The following SLC6A4 variants were observed in gnomAD, a reference collection of about 807,000 sequenced individuals.
The protein encoded by SLC6A4 is solute carrier family 6 member 4.
In SLC6A4, 22 loss-of-function variants were observed where a neutral mutation model predicts 73.4. That is an observed-to-expected ratio of 0.30 (90% CI 0.21 to 0.43). The LOEUF (loss-of-function observed/expected upper bound fraction) is 0.43, where lower values mean the gene tolerates loss of function less well. SLC6A4 is among the 20% of genes least tolerant of loss of function. The probability of loss-of-function intolerance (pLI) is 1.00; values close to 1 mark genes in which losing one functional copy is unlikely to be tolerated. For missense variants in SLC6A4, 593 were observed against 808.5 expected, an observed-to-expected ratio of 0.73 and a Z score of 3.23; for synonymous variants, 270 against 315.5, an observed-to-expected ratio of 0.86 and a Z score of 1.53.
chr17:30,233,612 C>A (rs1054440770), intron 1 of SLC6A4, among the ~76,000 whole-genome samples: 1 of 152,116 alleles, frequency 6.6e-6, no homozygotes, highest in Non-Finnish European at 1.5e-5. Context: ...ACTCGGACAT[C>A]GTGTTAGGCA....
chr17:30,221,040 C>T (rs1906732841), intron 3 of SLC6A4, among the ~76,000 whole-genome samples: 2 of 148,340 alleles, frequency 1.3e-5, no homozygotes, highest in Admixed American at 1.3e-4. Context: ...GCAGTGGTGC[C>T]ATCTCGGCTC....
At chr17:30,200,293 C>T (rs56148049) in intron 14 of SLC6A4, among the ~76,000 whole-genome samples, 13,957 of 152,286 alleles carry the variant, frequency 0.092, 673 homozygotes, top group Middle Eastern at 0.11. Flanking sequence ...GCCAGGCTAC[C>T]GTTGTGCTGG....
At chr17:30,201,929 CT>C (rs1360579922) in intron 14 of SLC6A4, among the ~76,000 whole-genome samples, 2 of 152,028 alleles carry the variant, frequency 1.3e-5, no homozygotes, top group Non-Finnish European at 2.9e-5. Context: ...ATAGTGAGAT[CT>C]TGTTTCTATT....
intron 1 of SLC6A4, among the ~76,000 whole-genome samples, chr17:30,230,855 C>T (rs920376108): frequency 6.6e-6 from 1 of 152,114 alleles, no homozygotes; most frequent in African/African-American, 2.4e-5. Context: ...TTGGCTGTTG[C>T]TGCTCAAAGG....
rs1905788953 is a variant in SLC6A4 at position 30,194,407 on chromosome 17, A to C, written c.*4049T>G. ...TAAATGAATACAAGGGCACTGTATG[A>C]ATTTTAGAAAGGGGACTCTTTTATA... is the stretch of plus-strand genomic sequence containing the variant. On this transcript the variant is annotated 3_prime_UTR_variant, in exon 15 of 15. Coordinates refer to ENST00000650711, the MANE Select transcript of SLC6A4 (RefSeq NM_001045.6). The C allele has an allele frequency of 6.6e-6, 1 of 152,138 alleles. No individual in the cohort carries two copies. Among genetic ancestry groups the C allele is most frequent in the Non-Finnish European group, 1.5e-5 (1 of 68,002 alleles). The allele number at this position is 152,138 out of a possible 1,614,324, so 9.4% of individuals were successfully genotyped here.
At chr17:30,219,050 C>T in intron 3 of SLC6A4, 119 bp from the exon 4 acceptor site, 1 of 1,183,968 alleles carries the variant, frequency 8.4e-7, no homozygotes, top group Non-Finnish European at 1.2e-6. Context: ...CCACCCTGGG[C>T]TGAGTGGCCT....
intron 13 of SLC6A4, among the ~76,000 whole-genome samples, chr17:30,205,403 A>G (rs1441372468): frequency 3.9e-5 from 6 of 152,212 alleles, no homozygotes; most frequent in Non-Finnish European, 1.5e-5. Flanking sequence ...TTCCTTTGAA[A>G]AACAAATAAA....
chr17:30,224,874 C>T (rs1352675812), intron 1 of SLC6A4, among the ~76,000 whole-genome samples: 1 of 152,116 alleles, frequency 6.6e-6, no homozygotes, highest in Non-Finnish European at 1.5e-5. Flanking sequence ...GGTTCAGCCC[C>T]GAAGGCATCC....
In SLC6A4 at chr17:30,209,249, G is replaced by C. The variant is rs201276840; in HGVS notation, c.1450-7C>G. 6.3e-7 allele frequency: 1 copy of C among 1,596,814 alleles called. No homozygotes were observed. The highest frequency in any genetic ancestry group is 8.6e-7 in the Non-Finnish European group (1 of 1,165,566). On this transcript the variant is annotated splice_polypyrimidine_tract_variant and splice_region_variant and intron_variant, in intron 11 of 14. Coordinates refer to ENST00000650711, the MANE Select transcript of SLC6A4 (RefSeq NM_001045.6). The stretch of plus-strand genomic sequence containing the variant: ...TCACCACGTAGGCCCCTCCCTGGAG[G>C]GGAGAGCAGAGCCTGGGTGAGGGCC...
intron 9 of SLC6A4, 84 bp downstream of exon 9, chr17:30,212,655 TA>T: frequency 6.7e-7 from 1 of 1,488,584 alleles, no homozygotes; most frequent in Non-Finnish European, 9.2e-7. Context: ...CATTTAGAAA[TA>T]AATCAAAAGT....
At position 30,216,848 on chromosome 17, in the gene SLC6A4, TTTGTTTGTTTG is replaced by T. The variant is rs1597640324; in HGVS notation, c.837+307_837+317del. 1.1e-3 allele frequency among the ~76,000 whole-genome samples: 62 copies of T among 54,670 alleles called. No homozygotes were observed. In the East Asian group the frequency reaches 0.035, roughly 31 times the overall value. 35.9% of individuals were successfully genotyped at this position (54,670 alleles called of 152,430 possible). A position where few individuals can be genotyped will look rare whatever the true frequency, so the allele number is the denominator to read the frequency against. ...CACACCTGGCTATTGTTTTTTTTTG[TTTGTTTGTTTG>T]TTTGTTTGTTTGTTTGTTTAAGTAG... On this transcript the variant is annotated intron_variant, in intron 6 of 14. Transcript: ENST00000650711.
chr17:30,215,551 C>T lies in SLC6A4; in HGVS notation c.1076+60G>A, dbSNP rs1030498429. 3.7e-6 allele frequency: 5 copies of T among 1,368,602 alleles called. No homozygotes were observed. In the African/African-American group the frequency reaches 4.3e-5, roughly 12 times the overall value. 84.8% of individuals were successfully genotyped at this position (1,368,602 alleles called of 1,614,324 possible). A position where few individuals can be genotyped will look rare whatever the true frequency, so the allele number is the denominator to read the frequency against. On this transcript the variant is annotated intron_variant, in intron 8 of 14. Transcript: ENST00000650711. The stretch of plus-strand genomic sequence containing the variant: ...CCGTCGGTCCAATCACCTTCCTCCA[C>T]ACTAGCTGACTTTCACTCACGCCAC...
At position 30,221,949 on chromosome 17, in the gene SLC6A4, T is replaced by C. The variant is rs765035150; in HGVS notation, c.10A>G (p.Thr4Ala). 5.0e-6 allele frequency: 8 copies of C among 1,613,962 alleles called. No individual in the cohort carries two copies. In the African/African-American group the frequency reaches 1.1e-4, roughly 22 times the overall value. ...AGCTGCTTCTGAGAATTCAAGGGCG[T>C]CGTCTCCATCCTGCTGGTTAGTAAA... MET[T>A]PLNSQKQLSA... The change falls in exon 3 of 15, where the codon ACG becomes GCG. Residue 4 changes from threonine (T) to alanine (A), a missense_variant. By Grantham distance (58) the Thr-to-Ala change is moderately conservative. Coordinates refer to ENST00000650711, the MANE Select transcript of SLC6A4 (RefSeq NM_001045.6).
intron 14 of SLC6A4, among the ~76,000 whole-genome samples, chr17:30,200,362 G>A (rs1213820450): frequency 6.6e-6 from 1 of 152,204 alleles, no homozygotes; most frequent in Non-Finnish European, 1.5e-5. Context: ...TCTAAGAAAT[G>A]GATTCCTCTT....
In SLC6A4 at chr17:30,198,579, A is replaced by C. The variant is rs201333950; in HGVS notation, c.1819-49T>G. ...TATAAACATCCTTGTAATTTTTAAA[A>C]CTTGCAAAAATAGTCAACATTAATA... is the stretch of plus-strand genomic sequence containing the variant. On this transcript the variant is annotated intron_variant, in intron 14 of 14. Transcript: ENST00000650711. 32 of 1,085,466 alleles carry C rather than the reference A, an allele frequency of 2.9e-5. No individual in the cohort carries two copies. The South Asian group carries it at 3.6e-4, about 12-fold the overall frequency. 67.2% of individuals were successfully genotyped at this position (1,085,466 alleles called of 1,614,324 possible).
At chr17:30,215,063 T>TTC (rs753258978) in intron 8 of SLC6A4, among the ~76,000 whole-genome samples, 1 of 150,874 alleles carries the variant, frequency 6.6e-6, no homozygotes, top group African/African-American at 2.4e-5. Flanking sequence ...CTCTCTCTCT[T>TTC]TCTCTCTCTC....
chr17:30,230,098 G>GAAGAAGAAGAA (rs1555591454), intron 1 of SLC6A4, among the ~76,000 whole-genome samples: 916 of 89,466 alleles, frequency 0.01, 16 homozygotes, highest in African/African-American at 0.023. Flanking sequence ...AAGAAGAAGA[G>GAAGAAGAAGAA]GAGGAAGAGG....
At chr17:30,215,186 G>A (rs1466758413) in intron 8 of SLC6A4, among the ~76,000 whole-genome samples, 1 of 152,000 alleles carries the variant, frequency 6.6e-6, no homozygotes, top group Admixed American at 6.6e-5. Context: ...GTGCTTACAG[G>A]TGTGCAACAC....
At chr17:30,215,817 G>A (rs1324570751) in intron 7 of SLC6A4, 103 bp from the exon 8 acceptor site, 1 of 1,023,478 alleles carries the variant, frequency 9.8e-7, no homozygotes, top group South Asian at 1.4e-5. Flanking sequence ...TAAGTGCAGA[G>A]GCAGAAAAAC....
Sources: allele counts gnomAD v4.1 joint callset (sites outside exome capture counted in the v4.1 genomes callset), GRCh38; gene constraint gnomAD v4.1.1; transcripts MANE v1.5; gene names NCBI Gene and HGNC (gene_info 2026-07-23, HGNC 2026-07-21).